Variants in PYGL observed in about 807,000 individuals in gnomAD.
PYGL encodes the protein glycogen phosphorylase, liver form.
Under a neutral mutation model 100.1 loss-of-function variants are expected in PYGL, and 90 were observed. That is an observed-to-expected ratio of 0.90 (90% CI 0.76 to 1.07). PYGL has a LOEUF of 1.07. Among genes scored for constraint, PYGL ranks in the 50% least tolerant of loss-of-function variants. PYGL has a pLI of 0.00. For missense variants in PYGL, 1,016 were observed against 1,057.6 expected, an observed-to-expected ratio of 0.96 and a Z score of 0.55; for synonymous variants, 373 against 393.0, an observed-to-expected ratio of 0.95 and a Z score of 0.60.
intron 18 of PYGL, 110 bp from the exon 19 acceptor site, chr14:50,908,447 T>C: frequency 2.0e-6 from 2 of 1,007,158 alleles, no homozygotes; most frequent in Non-Finnish European, 1.5e-6. Flanking sequence ...GCATGGCTGG[T>C]TTACCAAATT....
At chr14:50,908,368 A>C (rs759403335) in intron 18 of PYGL, 31 bp from the exon 19 acceptor site, 6 of 1,525,272 alleles carry the variant, frequency 3.9e-6, no homozygotes, top group Middle Eastern at 1.7e-4. Flanking sequence ...GAGGAAAAAA[A>C]CAGTCAAAAT....
At chr14:50,942,987 T>C (rs987132735) in intron 1 of PYGL, among the ~76,000 whole-genome samples, 8 of 152,226 alleles carry the variant, frequency 5.3e-5, no homozygotes, top group African/African-American at 1.9e-4. Flanking sequence ...TACTTTCCAT[T>C]TGAAAACTGT....
Position 50,930,002 on chromosome 14 carries a change from C to G in PYGL, c.528+1671G>C, listed in dbSNP as rs116130909. 9.4e-3 allele frequency among the ~76,000 whole-genome samples: 1,424 copies of G among 152,214 alleles called. 26 individuals carry two copies. Among genetic ancestry groups the G allele is most frequent in the African/African-American group, 0.033 (1,378 of 41,528 alleles). The stretch of plus-strand genomic sequence containing the variant: ...TGTTGAAGCTTTGATGTATTTTTTT[C>G]TAGCACTTTTCCTTTATCTTTCTGG... On this transcript the variant is annotated intron_variant, in intron 4 of 19. Coordinates refer to ENST00000216392, the MANE Select transcript of PYGL (RefSeq NM_002863.5).
chr14:50,908,682 A>G (rs1380380089), intron 18 of PYGL, 139 bp downstream of exon 18: 3 of 1,246,420 alleles, frequency 2.4e-6, no homozygotes, highest in South Asian at 1.3e-5. Context: ...ACGCTAATCT[A>G]TGCTAATCTA....
chr14:50,920,685 G>A, intron 6 of PYGL, 62 bp from the exon 7 acceptor site: 2 of 1,474,204 alleles, frequency 1.4e-6, no homozygotes, highest in Non-Finnish European at 1.9e-6. Context: ...GAAACCTCTT[G>A]ATCTCACTGG....
chr14:50,933,877 A>G (rs575148537), intron 3 of PYGL, among the ~76,000 whole-genome samples: 3 of 152,210 alleles, frequency 2.0e-5, no homozygotes, highest in Non-Finnish European at 4.4e-5. Context: ...TTTAATTTTT[A>G]AAAAACAAAT....
At chr14:50,920,399 C>G (rs1240892484) in intron 7 of PYGL, 142 bp downstream of exon 7, 22 of 839,868 alleles carry the variant, frequency 2.6e-5, no homozygotes, top group Non-Finnish European at 3.9e-5. Flanking sequence ...GAGGAGAAAT[C>G]TACACAATTC....
At position 50,944,452 on chromosome 14, in the gene PYGL, C is replaced by T. The variant is rs755497771; in HGVS notation, c.-49G>A. 3 of 1,544,910 alleles carry T rather than the reference C, an allele frequency of 1.9e-6. No homozygotes were observed. Among genetic ancestry groups the T allele is most frequent in the Admixed American group, 1.9e-5 (1 of 52,216 alleles). On this transcript the variant is annotated 5_prime_UTR_variant, in exon 1 of 20. Coordinates refer to ENST00000216392, the MANE Select transcript of PYGL (RefSeq NM_002863.5). ...CGGGCTGCGCAGAGAGCTGGAAGTG[C>T]GGCCGGAGGCGCTGGGCTGCCGGGC...
intron 7 of PYGL, among the ~76,000 whole-genome samples, chr14:50,918,944 AC>A (rs2050476394): frequency 6.6e-6 from 1 of 152,194 alleles, no homozygotes; most frequent in African/African-American, 2.4e-5. Context: ...ATAATCACTG[AC>A]CTATGCCAGG....
Position 50,920,589 on chromosome 14 carries a change from G to A in PYGL, c.807C>T (p.Asp269=), listed in dbSNP as rs1230276479. The A allele has an allele frequency of 2.0e-5, 33 of 1,612,958 alleles. No homozygotes were observed. Among genetic ancestry groups the A allele is most frequent in the Non-Finnish European group, 2.5e-5 (30 of 1,179,052 alleles). ...GGGAGATGTTCTCGGCCAGGTTTCGGTCCAGCACAGCCTGAATGTAGTCTC... is the reference window on the plus strand; with the variant it reads ...GGGAGATGTTCTCGGCCAGGTTTCGATCCAGCACAGCCTGAATGTAGTCTC... ...NVGDYIQAVL[D]RNLAENISRV... Residue 269 remains aspartate (D), a synonymous_variant, in exon 7 of 20, where the codon GAC becomes GAT. Transcript: ENST00000216392.
rs773096764 is a variant in PYGL at position 50,935,152 on chromosome 14, C to T, written c.379G>A (p.Glu127Lys). Residue 127 changes from glutamate to lysine, a missense_variant, in exon 3 of 20, where the codon GAA becomes AAA. Glu to Lys is a moderately conservative substitution (Grantham distance 56). Coordinates refer to ENST00000216392, the MANE Select transcript of PYGL (RefSeq NM_002863.5). ...GLDIEELEEI[E>K]EDAGLGNGGL... ...CCATTGCCAAGTCCAGCATCTTCTT[C>T]AATTTCTTCTAACTCTTCTATATCC... 1 of 1,612,772 alleles carries T rather than the reference C, an allele frequency of 6.2e-7. No individual in the cohort carries two copies. Among genetic ancestry groups the T allele is most frequent in the African/African-American group, 1.3e-5 (1 of 74,902 alleles).
intron 13 of PYGL, 88 bp downstream of exon 13, chr14:50,912,941 G>A (rs1327594648): frequency 4.8e-6 from 6 of 1,250,640 alleles, no homozygotes; most frequent in South Asian, 3.7e-5. Context: ...GCAACAGAGC[G>A]AGACTCTGTC....
chr14:50,915,631 T>C (rs1448392410), intron 10 of PYGL, 132 bp from the exon 11 acceptor site: 4 of 1,417,822 alleles, frequency 2.8e-6, no homozygotes, highest in Non-Finnish European at 3.9e-6. Context: ...AGGGGTTGAG[T>C]TAGCTCTATG....
In PYGL at chr14:50,911,742, G is replaced by A; in HGVS notation, c.1957C>T (p.Leu653Phe). 2 of 1,614,184 alleles carry A rather than the reference G, an allele frequency of 1.2e-6. No individual in the cohort carries two copies. Among genetic ancestry groups the A allele is most frequent in the Non-Finnish European group, 1.7e-6 (2 of 1,180,028 alleles). The change falls in exon 16 of 20, where the codon CTT becomes TTT. Residue 653 changes from leucine to phenylalanine, a missense_variant. By Grantham distance (22) the Leu-to-Phe change is conservative (BLOSUM62 0). Transcript: ENST00000216392. ...VIFLENYRVSLAEKVIPATDL... is the reference protein window; with the variant it reads ...VIFLENYRVSFAEKVIPATDL... ...ATGAGGGTAGTACCTTTTTCAGCAA[G>A]AGATACTCTGTAGTTCTCCAAGAAG...
intron 7 of PYGL, among the ~76,000 whole-genome samples, chr14:50,918,780 C>A (rs1359011057): frequency 6.6e-6 from 1 of 152,080 alleles, no homozygotes; most frequent in Non-Finnish European, 1.5e-5. Flanking sequence ...TACCTGTACC[C>A]CTAAAACTAT....
chr14:50,931,632 A>C (rs1295059940), intron 4 of PYGL, 41 bp downstream of exon 4: 1 of 1,510,180 alleles, frequency 6.6e-7, no homozygotes, highest in Admixed American at 1.7e-5. Flanking sequence ...CATGAAAGAG[A>C]AGTACCTTAA....
intron 10 of PYGL, 73 bp from the exon 11 acceptor site, chr14:50,915,572 C>G (rs907323299): frequency 6.3e-7 from 1 of 1,579,364 alleles, no homozygotes; most frequent in Non-Finnish European, 8.7e-7. Flanking sequence ...CTGTTCATGT[C>G]TTAAGCAAAA....
At chr14:50,939,737 C>T (rs566204568) in intron 1 of PYGL, among the ~76,000 whole-genome samples, 1 of 151,968 alleles carries the variant, frequency 6.6e-6, no homozygotes, top group African/African-American at 2.4e-5. Context: ...GGGATTGCCC[C>T]ATTTCCATAA....
intron 4 of PYGL, among the ~76,000 whole-genome samples, chr14:50,926,078 G>A (rs555155079): frequency 6.6e-6 from 1 of 152,140 alleles, no homozygotes; most frequent in African/African-American, 2.4e-5. Flanking sequence ...CTAAACTTCC[G>A]CTATCCCAGT....
Sources: allele counts gnomAD v4.1 joint callset (sites outside exome capture counted in the v4.1 genomes callset), GRCh38; gene constraint gnomAD v4.1.1; transcripts MANE v1.5; gene names NCBI Gene and HGNC (gene_info 2026-07-23, HGNC 2026-07-21).